TM4SF1: variants seen among roughly 807,000 people sequenced by gnomAD.
The protein encoded by TM4SF1 is transmembrane 4 L six family member 1, also known as transmembrane 4 L6 family member 1.
TM4SF1 carries 20 observed loss-of-function variants against 24.5 expected under a neutral mutation model. That is an observed-to-expected ratio of 0.82 (90% CI 0.57 to 1.19). TM4SF1 has a LOEUF of 1.19. Ranked by LOEUF, TM4SF1 falls within the 50% of genes most tolerant of loss-of-function variation. The pLI is 0.00. For missense variants in TM4SF1, 258 were observed against 248.1 expected (o/e 1.04, Z -0.27); for synonymous variants, 107 against 95.4 (o/e 1.12, Z -0.71).
In TM4SF1 at chr3:149,371,889, T is replaced by A. The variant is rs756413931; in HGVS notation, c.414-22A>T. 3.1e-6 allele frequency: 5 copies of A among 1,612,412 alleles called. No individual in the cohort carries two copies. In the Admixed American group the frequency reaches 6.7e-5, roughly 22 times the overall value. On this transcript the variant is annotated intron_variant, in intron 3 of 4. Transcript: ENST00000305366. ...GTACCTGTGGGTAAAAAGAGAAACT[T>A]CTGACACACGGTCATACTTGAGGGG...
At position 149,369,694 on chromosome 3, in the gene TM4SF1, C is replaced by T; in HGVS notation, c.*172G>A. 1.4e-6 allele frequency: 1 copy of T among 729,692 alleles called. No homozygotes were observed. The highest frequency in any genetic ancestry group is 2.2e-5 in the South Asian group (1 of 46,090). 45.2% of individuals were successfully genotyped at this position (729,692 alleles called of 1,614,324 possible). On this transcript the variant is annotated 3_prime_UTR_variant, in exon 5 of 5. Coordinates refer to ENST00000305366, the MANE Select transcript of TM4SF1 (RefSeq NM_014220.3). ...AATAAACAAACAAAAAAGAAGTTTA[C>T]TAAATTTAAACACTGACATCCTGTG... is the stretch of plus-strand genomic sequence containing the variant.
chr3:149,374,579 T>A (rs1231887589), intron 3 of TM4SF1, among the ~76,000 whole-genome samples: 1 of 152,066 alleles, frequency 6.6e-6, no homozygotes, highest in Admixed American at 6.6e-5. Flanking sequence ...ATAAAAAAAA[T>A]AAGTATCAAC....
At chr3:149,377,349 G>C (rs1411650739) in intron 1 of TM4SF1, 22 bp downstream of exon 1, 1 of 1,607,408 alleles carries the variant, frequency 6.2e-7, no homozygotes, top group East Asian at 2.2e-5. Context: ...AGAGAATTCA[G>C]TAATAATCCT....
At chr3:149,376,279 T>C (rs1731950666) in intron 1 of TM4SF1, among the ~76,000 whole-genome samples, 2 of 152,354 alleles carry the variant, frequency 1.3e-5, no homozygotes, top group East Asian at 1.9e-4. Context: ...TCTTAAAATA[T>C]AGTAAATATG....
intron 3 of TM4SF1, among the ~76,000 whole-genome samples, chr3:149,373,901 T>G (rs1442805722): frequency 6.6e-6 from 1 of 152,246 alleles, no homozygotes; most frequent in Non-Finnish European, 1.5e-5. Flanking sequence ...CTTAGAAGTC[T>G]GTTTGTGCAA....
intron 1 of TM4SF1, among the ~76,000 whole-genome samples, chr3:149,376,897 G>A (rs971226544): frequency 3.9e-5 from 6 of 152,178 alleles, no homozygotes; most frequent in African/African-American, 1.2e-4. Context: ...AAAGGAGAAA[G>A]CTTAGAGTTC....
At chr3:149,376,233 A>T (rs1731949141) in intron 1 of TM4SF1, among the ~76,000 whole-genome samples, 1 of 152,248 alleles carries the variant, frequency 6.6e-6, no homozygotes, top group Non-Finnish European at 1.5e-5. Flanking sequence ...TTCCTTGATT[A>T]TACAAATGCA....
chr3:149,376,550 G>T (rs1477341848), intron 1 of TM4SF1, among the ~76,000 whole-genome samples: 1 of 152,110 alleles, frequency 6.6e-6, no homozygotes, highest in Non-Finnish European at 1.5e-5. Flanking sequence ...AAATAATTTA[G>T]GGCAGATTTG....
chr3:149,369,755 A>T lies in TM4SF1; in HGVS notation c.*111T>A, dbSNP rs543700705. The stretch of plus-strand genomic sequence containing the variant: ...TCTTTACAGGCGTTTGTAAAAGTAG[A>T]CTGTGGGGAGTATGTTACACTAATA... On this transcript the variant is annotated 3_prime_UTR_variant, in exon 5 of 5. Coordinates refer to ENST00000305366, the MANE Select transcript of TM4SF1 (RefSeq NM_014220.3). 2.7e-4 allele frequency: 368 copies of T among 1,365,222 alleles called. No homozygotes were observed. The African/African-American group carries it at 5.0e-3, about 18-fold the overall frequency. The allele number at this position is 1,365,222 out of a possible 1,614,324, so 84.6% of individuals were successfully genotyped here. A position where few individuals can be genotyped will look rare whatever the true frequency, so the allele number is the denominator to read the frequency against.
Position 149,377,536 on chromosome 3 carries a change from C to T in TM4SF1, c.12G>A (p.Gly4=), listed in dbSNP as rs907247070. The part of the protein sequence containing the change: MCY[G]KCARCIGHSL... ...AATGTCCGATGCATCGTGCACACTT[C>T]CCATAGCACATGGTGGTCTGCTAGG... The change falls in exon 1 of 5, where the codon GGG becomes GGA. Residue 4 remains glycine (G), a synonymous_variant. Transcript: ENST00000305366. The T allele has an allele frequency of 1.1e-5, 18 of 1,612,972 alleles. No individual in the cohort carries two copies. Among genetic ancestry groups the T allele is most frequent in the Non-Finnish European group, 1.3e-5 (15 of 1,179,604 alleles).
chr3:149,374,173 C>T (rs896525460), intron 3 of TM4SF1, among the ~76,000 whole-genome samples: 2 of 152,090 alleles, frequency 1.3e-5, no homozygotes, highest in African/African-American at 4.8e-5. Flanking sequence ...CATTAATTCT[C>T]ATGACAATTG....
Position 149,375,722 on chromosome 3 carries a change from G to A in TM4SF1, c.225C>T (p.Cys75=). 1 of 1,614,212 alleles carries A rather than the reference G, an allele frequency of 6.2e-7. No homozygotes were observed. Among genetic ancestry groups the A allele is most frequent in the Non-Finnish European group, 8.5e-7 (1 of 1,180,032 alleles). The change falls in exon 2 of 5, where the codon TGC becomes TGT. Residue 75 remains cysteine, a synonymous_variant. Coordinates refer to ENST00000305366, the MANE Select transcript of TM4SF1 (RefSeq NM_014220.3). ...AGTTTTCATGGCCACAGCAGCCACA[G>A]CAGTCATCCTGTTCCAGCCCAATGA... ...FVFIGLEQDD[C]CGCCGHENCG...
chr3:149,376,725 G>T (rs578006486), intron 1 of TM4SF1, among the ~76,000 whole-genome samples: 23 of 152,090 alleles, frequency 1.5e-4, no homozygotes, highest in Admixed American at 2.6e-4. Context: ...TCCATGCTGT[G>T]GTTGAAGCTA....
At chr3:149,370,952 G>A (rs1357359549) in intron 4 of TM4SF1, 1 of 152,116 alleles carries the variant, frequency 6.6e-6, no homozygotes, top group Non-Finnish European at 1.5e-5. Flanking sequence ...TATTTTAGGA[G>A]GATATAGAAA....
chr3:149,377,216 T>C (rs1305448578), intron 1 of TM4SF1, among the ~76,000 whole-genome samples, 155 bp downstream of exon 1: 1 of 152,228 alleles, frequency 6.6e-6, no homozygotes, highest in Non-Finnish European at 1.5e-5. Context: ...ACTGTACCAA[T>C]CTCGCTTTTG....
rs1731830896 is a variant in TM4SF1, at chr3:149,371,873, G to A, written c.414-6C>T. 3.7e-6 allele frequency: 6 copies of A among 1,613,360 alleles called. No homozygotes were observed. Among genetic ancestry groups the A allele is most frequent in the Non-Finnish European group, 5.1e-6 (6 of 1,179,734 alleles). On this transcript the variant is annotated splice_region_variant and splice_polypyrimidine_tract_variant and intron_variant, in intron 3 of 4. Coordinates refer to ENST00000305366, the MANE Select transcript of TM4SF1 (RefSeq NM_014220.3). ...TGGAGGTATCCAGAAGGTACCTGTG[G>A]GTAAAAAGAGAAACTTCTGACACAC...
chr3:149,372,593 A>G (rs1446238519), intron 3 of TM4SF1, among the ~76,000 whole-genome samples: 1 of 152,136 alleles, frequency 6.6e-6, no homozygotes, highest in Non-Finnish European at 1.5e-5. Context: ...ACAGGAAGCA[A>G]ATTCATGGGA....
intron 4 of TM4SF1, chr3:149,370,369 T>A (rs573741078): frequency 6.5e-6 from 1 of 153,928 alleles, no homozygotes; most frequent in Non-Finnish European, 1.4e-5. Flanking sequence ...GTGACTCAGC[T>A]GGGAAACCTG....
At chr3:149,370,780 T>A (rs1731802918) in intron 4 of TM4SF1, 1 of 152,216 alleles carries the variant, frequency 6.6e-6, no homozygotes, top group Non-Finnish European at 1.5e-5. Context: ...TTTTTCATGG[T>A]AGCAATGGGC....
Sources: gnomAD v4.1 joint callset for allele counts (sites outside exome capture counted in the v4.1 genomes callset) on GRCh38, gnomAD v4.1.1 for gene constraint, MANE v1.5 for transcripts, NCBI Gene and HGNC (gene_info 2026-07-23, HGNC 2026-07-21) for gene names.